Variants in CTNNA3 observed in about 807,000 individuals in gnomAD.
CTNNA3 encodes the protein catenin alpha 3.
In CTNNA3, 76 loss-of-function variants were observed where a neutral mutation model predicts 95.7. That is an observed-to-expected ratio of 0.79 (90% confidence interval 0.66 to 0.96). The LOEUF is 0.96. Among genes scored for constraint, CTNNA3 ranks in the 40% least tolerant of loss-of-function variants. CTNNA3 has a pLI of 0.00. For missense variants in CTNNA3, 1,191 were observed against 1,089.8 expected, an observed-to-expected ratio of 1.09 and a Z score of -1.31; for synonymous variants, 431 against 374.4, an observed-to-expected ratio of 1.15 and a Z score of -1.74.
At chr10:66,333,382 C>A (rs1049522851) in intron 12 of CTNNA3, among the ~76,000 whole-genome samples, 2 of 151,872 alleles carry the variant, frequency 1.3e-5, no homozygotes, top group African/African-American at 4.8e-5. Flanking sequence ...ATAAATTTCC[C>A]TCTACACACT....
chr10:67,106,106 T>C (rs190488626), intron 7 of CTNNA3, among the ~76,000 whole-genome samples: 2 of 152,334 alleles, frequency 1.3e-5, no homozygotes, highest in Admixed American at 1.3e-4. Flanking sequence ...TTGTAGCCCT[T>C]AGCGGCTTTT....
intron 10 of CTNNA3, among the ~76,000 whole-genome samples, chr10:66,580,643 T>G (rs192802905): frequency 1.3e-5 from 2 of 151,872 alleles, no homozygotes; most frequent in East Asian, 3.9e-4. Context: ...TGGAGACATT[T>G]TGGTTATTAT....
At chr10:67,137,692 C>A (rs940929998) in intron 7 of CTNNA3, among the ~76,000 whole-genome samples, 1 of 152,050 alleles carries the variant, frequency 6.6e-6, no homozygotes, top group Admixed American at 6.6e-5. Context: ...GAACTAACAG[C>A]GGTCCTGAAA....
At chr10:66,396,226 TTAA>T (rs2092975861) in intron 11 of CTNNA3, among the ~76,000 whole-genome samples, 1 of 152,016 alleles carries the variant, frequency 6.6e-6, no homozygotes, top group Non-Finnish European at 1.5e-5. Flanking sequence ...GCTTTCTAAT[TTAA>T]CTCTGAAAGC....
chr10:67,200,756 T>C lies in CTNNA3; in HGVS notation c.843+18851A>G, dbSNP rs529440407. Among the ~76,000 whole-genome samples the C allele has an allele frequency of 2.0e-5, 3 of 152,296 alleles. No homozygotes were observed. In the South Asian group the frequency reaches 6.2e-4, roughly 32 times the overall value. On this transcript the variant is annotated intron_variant, in intron 6 of 17. Coordinates refer to ENST00000433211, the MANE Select transcript of CTNNA3 (RefSeq NM_013266.4). ...CCCAAAAGACAGTCACGCATGCACTTTTCTTTCCGTTTCACAAAAACAACT... is the reference window on the plus strand; with the variant it reads ...CCCAAAAGACAGTCACGCATGCACTCTTCTTTCCGTTTCACAAAAACAACT...
intron 7 of CTNNA3, chr10:66,837,752 T>A (rs757110977): frequency 1.2e-4 from 18 of 152,084 alleles, no homozygotes; most frequent in Non-Finnish European, 2.4e-4. Flanking sequence ...TAGGAAAAGG[T>A]ATGTCCCAAG....
At chr10:67,302,263 G>A (rs940270623) in intron 5 of CTNNA3, among the ~76,000 whole-genome samples, 5 of 152,074 alleles carry the variant, frequency 3.3e-5, no homozygotes, top group African/African-American at 4.8e-5. Flanking sequence ...TGGTAGTTAC[G>A]AGGGGCTGGA....
At chr10:66,776,150 CT>C (rs1840289075) in intron 7 of CTNNA3, among the ~76,000 whole-genome samples, 1 of 152,252 alleles carries the variant, frequency 6.6e-6, no homozygotes, top group East Asian at 1.9e-4. Flanking sequence ...TAACCTAAAT[CT>C]TTAGGCTATT....
chr10:65,954,805 G>A (rs938688256), intron 17 of CTNNA3, among the ~76,000 whole-genome samples: 1 of 152,198 alleles, frequency 6.6e-6, no homozygotes, highest in Non-Finnish European at 1.5e-5. Context: ...AGCATAGTTT[G>A]AAGTCAGGTA....
chr10:66,408,320 A>G (rs1292072223), intron 11 of CTNNA3, among the ~76,000 whole-genome samples: 1 of 152,162 alleles, frequency 6.6e-6, no homozygotes, highest in Non-Finnish European at 1.5e-5. Flanking sequence ...TTATTTTCCA[A>G]ATGGTGGCCT....
intron 10 of CTNNA3, among the ~76,000 whole-genome samples, chr10:66,610,477 G>GA (rs777082352): frequency 5.5e-4 from 84 of 151,548 alleles, no homozygotes; most frequent in Admixed American, 2.6e-3. Flanking sequence ...ACATGTTGGG[G>GA]AAAAAAAAGT....
intron 5 of CTNNA3, among the ~76,000 whole-genome samples, chr10:67,303,817 G>T (rs1840427364): frequency 6.6e-6 from 1 of 152,052 alleles, no homozygotes; most frequent in Non-Finnish European, 1.5e-5. Flanking sequence ...TGCCGCATCT[G>T]CTAAGTGAGG....
chr10:66,039,184 G>A, intron 15 of CTNNA3, among the ~76,000 whole-genome samples: 1 of 152,148 alleles, frequency 6.6e-6, no homozygotes, highest in East Asian at 1.9e-4. Context: ...AATACAGGCA[G>A]CCAGGGAGGT....
intron 11 of CTNNA3, among the ~76,000 whole-genome samples, chr10:66,395,514 C>T (rs1397385649): frequency 6.9e-6 from 1 of 145,348 alleles, no homozygotes; most frequent in Admixed American, 7.0e-5. Flanking sequence ...ATTACAAAGA[C>T]TAATAAAAAA....
intron 7 of CTNNA3, among the ~76,000 whole-genome samples, chr10:66,895,399 G>T (rs1845441187): frequency 6.6e-6 from 1 of 152,098 alleles, no homozygotes; most frequent in Non-Finnish European, 1.5e-5. Flanking sequence ...TTATGAAGTA[G>T]ATCAAAAATG....
intron 13 of CTNNA3, among the ~76,000 whole-genome samples, chr10:66,145,381 GCCCATGAAGCTGTCCTTATGC>G (rs769184912): frequency 3.3e-5 from 5 of 152,126 alleles, no homozygotes; most frequent in Non-Finnish European, 5.9e-5. Flanking sequence ...TAGCAGAGAG[GCCCATGAAGCTGTCCTTATGC>G]CCCAGAGAGG....
chr10:66,206,708 A>G (rs1185461020), intron 13 of CTNNA3, among the ~76,000 whole-genome samples: 1 of 151,944 alleles, frequency 6.6e-6, no homozygotes, highest in East Asian at 1.9e-4. Context: ...AGATTTTGTC[A>G]TTAAACTGGC....
rs1241642355 is a variant in CTNNA3, at chr10:67,664,522, C to T, written c.-5-17004G>A. 2.6e-5 allele frequency among the ~76,000 whole-genome samples: 4 copies of T among 152,302 alleles called. No homozygotes were observed. In the East Asian group the frequency reaches 7.7e-4, roughly 29 times the overall value. ...TTCTGAAACCCTATATTTTCTCTCT[C>T]ATCTATCCATAATACACCAGAGTTA... On this transcript the variant is annotated intron_variant, in intron 1 of 17. Transcript: ENST00000433211.
intron 5 of CTNNA3, among the ~76,000 whole-genome samples, chr10:67,297,554 TC>T (rs1355012718): frequency 6.6e-6 from 1 of 152,190 alleles, no homozygotes; most frequent in Non-Finnish European, 1.5e-5. Flanking sequence ...CCACATATTT[TC>T]CTTCTCTGTT....
Sources: allele counts gnomAD v4.1 joint callset (sites outside exome capture counted in the v4.1 genomes callset), GRCh38; gene constraint gnomAD v4.1.1; transcripts MANE v1.5; gene names NCBI Gene and HGNC (gene_info 2026-07-23, HGNC 2026-07-21).